The following CHD3 variants were observed in gnomAD, a reference collection of about 807,000 sequenced individuals.
CHD3 encodes ATP-dependent chromatin remodeler CHD3.
CHD3 carries 52 observed loss-of-function variants against 248.9 expected under a neutral mutation model. The observed-to-expected ratio is 0.21, with a 90% CI of 0.17 to 0.26. The LOEUF is 0.26. CHD3 is among the 10% of genes least tolerant of loss of function. The pLI, the probability that CHD3 is intolerant of heterozygous loss-of-function variation, is 1.00. For missense variants in CHD3, 1,482 were observed against 2,605.8 expected (o/e 0.57, Z 9.39); for synonymous variants, 985 against 985.2 (o/e 1.00, Z 0.00).
chr17:7,907,732 G>T lies in CHD3; in HGVS notation c.5026+30G>T, dbSNP rs1480946974. ...TGGGTGGAAGGGACCGGACACCTGG[G>T]TCCCAGAGGGCATCAGGGGAGGTGG... On this transcript the variant is annotated intron_variant, in intron 33 of 39. Transcript: ENST00000330494. This position sits in a 1 kb window ranked among gnomAD's most constrained non-coding sequence, Gnocchi z 4.3. The T allele has an allele frequency of 6.6e-7, 1 of 1,514,294 alleles. No homozygotes were observed. The highest frequency in any genetic ancestry group is 8.8e-7 in the Non-Finnish European group (1 of 1,134,262). 93.8% of individuals were successfully genotyped at this position (1,514,294 alleles called of 1,614,324 possible).
chr17:7,910,675 C>A lies in CHD3; in HGVS notation c.5754+84C>A, dbSNP rs948224350. ...CAAACACTTCCATCAGAATCCTATA[C>A]AATATGGAAAAACAACTTGCTAGAA... On this transcript the variant is annotated intron_variant, in intron 38 of 39. Transcript: ENST00000330494. The surrounding 1 kb of genome is among the most constrained non-coding windows in gnomAD (Gnocchi z 4.7). The A allele has an allele frequency of 6.5e-7, 1 of 1,528,080 alleles. No individual in the cohort carries two copies. Among genetic ancestry groups the A allele is most frequent in the Non-Finnish European group, 8.8e-7 (1 of 1,136,270 alleles). The allele number at this position is 1,528,080 out of a possible 1,614,324, so 94.7% of individuals were successfully genotyped here.
At chr17:7,887,601 G>A (rs1171007095), upstream of CHD3, among the ~76,000 whole-genome samples, 1 of 152,166 alleles carries the variant, frequency 6.6e-6, no homozygotes, top group Non-Finnish European at 1.5e-5. Flanking sequence ...CGTTGTGGGG[G>A]AGGGAGGGGA....
In CHD3 at chr17:7,910,233, C is replaced by A. The variant is rs1250516862; in HGVS notation, c.5591-195C>A. The A allele has an allele frequency of 6.3e-6, 4 of 638,734 alleles. No individual in the cohort carries two copies. The highest frequency in any genetic ancestry group is 1.1e-5 in the Non-Finnish European group (4 of 367,740). The allele number at this position is 638,734 out of a possible 1,614,324, so 39.6% of individuals were successfully genotyped here. A position where few individuals can be genotyped will look rare whatever the true frequency, so the allele number is the denominator to read the frequency against. On this transcript the variant is annotated intron_variant, in intron 37 of 39. Coordinates refer to ENST00000330494, the MANE Select transcript of CHD3 (RefSeq NM_001005273.3). This position sits in a 1 kb window ranked among gnomAD's most constrained non-coding sequence, Gnocchi z 4.7. ...TCTGTCTCTTTTCCTGACACTTTTT[C>A]TTTTCCCCTGAGTTGCTTCTGTTTT...
At position 7,904,683 on chromosome 17, in the gene CHD3, C is replaced by T. The variant is rs1169497733; in HGVS notation, c.4072+64C>T. 9 of 1,443,718 alleles carry T rather than the reference C, an allele frequency of 6.2e-6. No individual in the cohort carries two copies. Among genetic ancestry groups the T allele is most frequent in the Non-Finnish European group, 6.7e-6 (7 of 1,049,878 alleles). The allele number at this position is 1,443,718 out of a possible 1,614,324, so 89.4% of individuals were successfully genotyped here. A position where few individuals can be genotyped will look rare whatever the true frequency, so the allele number is the denominator to read the frequency against. Reference sequence around the variant, plus strand: ...GTGATGATGAGTAGGGACTTGAAGGCTGGAGCTATTTAGAGGGAAAGAGAG... The same window carrying T: ...GTGATGATGAGTAGGGACTTGAAGGTTGGAGCTATTTAGAGGGAAAGAGAG... On this transcript the variant is annotated intron_variant, in intron 25 of 39. Coordinates refer to ENST00000330494, the MANE Select transcript of CHD3 (RefSeq NM_001005273.3). This position sits in a 1 kb window ranked among gnomAD's most constrained non-coding sequence, Gnocchi z 4.4.
At chr17:7,898,941 G>A (rs769887040) in intron 13 of CHD3, 70 bp from the exon 14 acceptor site, 14 of 1,351,762 alleles carry the variant, frequency 1.0e-5, no homozygotes, top group Admixed American at 1.8e-5. Flanking sequence ...TCCATGCCAG[G>A]GAGGAAGAGA....
At chr17:7,884,957 G>C (rs965304899), upstream of CHD3, 1 of 1,350,774 alleles carries the variant, frequency 7.4e-7, no homozygotes, top group Admixed American at 2.7e-5. Context: ...CGACGAGGGA[G>C]TACTCGGGCG....
Position 7,893,305 on chromosome 17 carries a change from A to T in CHD3, c.529A>T (p.Asn177Tyr). 6.2e-7 allele frequency: 1 copy of T among 1,611,538 alleles called. No homozygotes were observed. Among genetic ancestry groups the T allele is most frequent in the Non-Finnish European group, 8.5e-7 (1 of 1,178,500 alleles). The change falls in exon 5 of 40, where the codon AAT becomes TAT. Residue 177 changes from asparagine to tyrosine, a missense_variant. Transcript: ENST00000330494. ...QFMRPLIAKK[N>Y]PKIPMSKMMT... Reference sequence around the variant, plus strand: ...TTACAGGCCCCTAATTGCTAAGAAGAATCCTAAGATCCCAATGTCTAAGAT... The same window carrying T: ...TTACAGGCCCCTAATTGCTAAGAAGTATCCTAAGATCCCAATGTCTAAGAT...
rs1221586517 is a variant in CHD3 at position 7,898,075 on chromosome 17, A to G, written c.2024A>G (p.Glu675Gly). 1 of 1,614,138 alleles carries G rather than the reference A, an allele frequency of 6.2e-7. No individual in the cohort carries two copies. The highest frequency in any genetic ancestry group is 1.1e-5 in the South Asian group (1 of 91,074). Residue 675 changes from glutamate to glycine, a missense_variant, in exon 12 of 40, where the codon GAA (glutamate) becomes GGA (glycine). Glu to Gly is a moderately conservative substitution (Grantham distance 98). Transcript: ENST00000330494. ...GAAATGAATATCCCTGAATACGAAG[A>G]ACATAAGCAAAGCTACTGGAGACAC... Reference protein sequence around the residue: ...EDEMNIPEYEEHKQSYWRHRE... With the variant: ...EDEMNIPEYEGHKQSYWRHRE...
Position 7,907,670 on chromosome 17 carries a change from C to T in CHD3, c.4994C>T (p.Pro1665Leu), listed in dbSNP as rs774001960. 17 of 1,535,794 alleles carry T rather than the reference C, an allele frequency of 1.1e-5. No homozygotes were observed. The East Asian group carries it at 1.9e-4, about 17-fold the overall frequency. Residue 1665 changes from proline (P) to leucine (L), a missense_variant, in exon 33 of 40, where the codon CCG becomes CTG. Coordinates refer to ENST00000330494, the MANE Select transcript of CHD3 (RefSeq NM_001005273.3). The surrounding 1 kb of genome is among the most constrained non-coding windows in gnomAD (Gnocchi z 4.3). The part of the protein sequence containing the change: ...PLDGQEHRER[P>L]EGETGDLGKR... ...GATGGACAGGAACACAGGGAGAGGC[C>T]GGAGGGGGAAACAGGGGATTTGGGC...
rs572193528 is a variant in CHD3 at position 7,903,687 on chromosome 17, C to T, written c.3728-138C>T. 1 of 1,129,054 alleles carries T rather than the reference C, an allele frequency of 8.9e-7. No individual in the cohort carries two copies. Among genetic ancestry groups the T allele is most frequent in the South Asian group, 1.6e-5 (1 of 61,732 alleles). 69.9% of individuals were successfully genotyped at this position (1,129,054 alleles called of 1,614,324 possible). A position where few individuals can be genotyped will look rare whatever the true frequency, so the allele number is the denominator to read the frequency against. ...GCCTGTAGGGTTAAAACAAACAAAA[C>T]AAAAACCTTTCAACATTGGCTCCCG... is the stretch of plus-strand genomic sequence containing the variant. On this transcript the variant is annotated intron_variant, in intron 23 of 39. Coordinates refer to ENST00000330494, the MANE Select transcript of CHD3 (RefSeq NM_001005273.3). The surrounding 1 kb of genome is among the most constrained non-coding windows in gnomAD (Gnocchi z 6.8).
At position 7,889,626 on chromosome 17, in the gene CHD3, C is replaced by G; in HGVS notation, c.101-38C>G. 3 of 1,570,786 alleles carry G rather than the reference C, an allele frequency of 1.9e-6. No homozygotes were observed. Among genetic ancestry groups the G allele is most frequent in the Admixed American group, 1.8e-5 (1 of 55,432 alleles). ...TTGAGGGGCCTCAGAGGCTGGAAAC[C>G]TAGAGGCTTAGGTTTTCTGATGCTT... On this transcript the variant is annotated intron_variant, in intron 1 of 39. Transcript: ENST00000330494. This position sits in a 1 kb window ranked among gnomAD's most constrained non-coding sequence, Gnocchi z 4.5.
Position 7,894,112 on chromosome 17 carries a change from C to T in CHD3, c.925-3C>T. 5 of 1,603,272 alleles carry T rather than the reference C, an allele frequency of 3.1e-6. No homozygotes were observed. Among genetic ancestry groups the T allele is most frequent in the Non-Finnish European group, 4.3e-6 (5 of 1,173,606 alleles). ...TCACTGACGGCCACGGGGCTATGGG[C>T]AGTATGTTTTTCAGAGCGACGAAGG... is the stretch of plus-strand genomic sequence containing the variant. On this transcript the variant is annotated splice_polypyrimidine_tract_variant and splice_region_variant and intron_variant, in intron 6 of 39. Coordinates refer to ENST00000330494, the MANE Select transcript of CHD3 (RefSeq NM_001005273.3).
upstream of CHD3, among the ~76,000 whole-genome samples, chr17:7,887,793 T>A (rs1309251099): frequency 1.3e-5 from 2 of 152,146 alleles, no homozygotes; most frequent in Non-Finnish European, 2.9e-5. Flanking sequence ...GAGCCGGGGA[T>A]GTGGGAGAGT....
Position 7,906,787 on chromosome 17 carries a change from T to A in CHD3, c.4504-82T>A. On this transcript the variant is annotated intron_variant, in intron 29 of 39. Transcript: ENST00000330494. The surrounding 1 kb of genome is among the most constrained non-coding windows in gnomAD (Gnocchi z 5.0). ...CTGTCCCTGAGTTGTAAGCTTGCGCTGGTGTGAGACGGAGGAGACTGGAGC... is the reference window on the plus strand; with the variant it reads ...CTGTCCCTGAGTTGTAAGCTTGCGCAGGTGTGAGACGGAGGAGACTGGAGC... 1 of 1,592,556 alleles carries A rather than the reference T, an allele frequency of 6.3e-7. No individual in the cohort carries two copies. Among genetic ancestry groups the A allele is most frequent in the Non-Finnish European group, 8.6e-7 (1 of 1,167,892 alleles).
Position 7,904,759 on chromosome 17 carries a change from G to GTTCCTAATGACTCTACCTT in CHD3, c.4072+140_4072+141insTTCCTAATGACTCTACCTT. The GTTCCTAATGACTCTACCTT allele has an allele frequency of 1.2e-6, 1 of 863,088 alleles. No individual in the cohort carries two copies. The highest frequency in any genetic ancestry group is 1.8e-6 in the Non-Finnish European group (1 of 571,166). The allele number at this position is 863,088 out of a possible 1,614,324, so 53.5% of individuals were successfully genotyped here. On this transcript the variant is annotated intron_variant, in intron 25 of 39. Coordinates refer to ENST00000330494, the MANE Select transcript of CHD3 (RefSeq NM_001005273.3). The surrounding 1 kb of genome is among the most constrained non-coding windows in gnomAD (Gnocchi z 4.4). The stretch of plus-strand genomic sequence containing the variant: ...TGCTAAAAGGGAAAGACATAAGGTA[G>GTTCCTAATGACTCTACCTT]AGTCATTAGGAACTACCCAGAGGCC...
rs1028642652 is a variant in CHD3 at position 7,909,529 on chromosome 17, C to T, written c.5590+191C>T. ...GCCTCTAGGACTTGTGCAAGCCAAC[C>T]CTCATCCATGTCTGATAGCATTCAC... On this transcript the variant is annotated intron_variant, in intron 37 of 39. Transcript: ENST00000330494. This position sits in a 1 kb window ranked among gnomAD's most constrained non-coding sequence, Gnocchi z 8.1. The T allele has an allele frequency of 5.2e-6, 4 of 776,100 alleles. No homozygotes were observed. The highest frequency in any genetic ancestry group is 7.9e-6 in the Non-Finnish European group (4 of 507,592). 48.1% of individuals were successfully genotyped at this position (776,100 alleles called of 1,614,324 possible).
rs768063092 is a variant in CHD3 at position 7,889,038 on chromosome 17, G to A, written c.38G>A (p.Ser13Asn). 1.9e-6 allele frequency: 3 copies of A among 1,614,260 alleles called. No homozygotes were observed. Among genetic ancestry groups the A allele is most frequent in the Non-Finnish European group, 2.5e-6 (3 of 1,180,050 alleles). The change falls in exon 1 of 40, where the codon AGT becomes AAT. Residue 13 changes from serine to asparagine, a missense_variant. Around this residue, in one of 20 missense-constraint regions of CHD3, gnomAD observed 169 missense variants for 168.1 expected, o/e 1.01. Transcript: ENST00000330494. The surrounding 1 kb of genome is among the most constrained non-coding windows in gnomAD (Gnocchi z 4.5). ...AADTVILWAR[S>N]KNDQLRISFP... ...GACACTGTGATCCTGTGGGCAAGAA[G>A]TAAAAATGACCAGCTGAGGATTTCT...
rs772247614 is a variant in CHD3, at chr17:7,911,349, G to A, written c.5882-115G>A. The A allele has an allele frequency of 5.9e-6, 9 of 1,529,102 alleles. No individual in the cohort carries two copies. The highest frequency in any genetic ancestry group is 4.1e-5 in the African/African-American group (3 of 73,046). The allele number at this position is 1,529,102 out of a possible 1,614,324, so 94.7% of individuals were successfully genotyped here. On this transcript the variant is annotated intron_variant, in intron 39 of 39. Coordinates refer to ENST00000330494, the MANE Select transcript of CHD3 (RefSeq NM_001005273.3). The surrounding 1 kb of genome is among the most constrained non-coding windows in gnomAD (Gnocchi z 5.4). Reference sequence around the variant, plus strand: ...TTTGCCCGGGTCTTCCCTCCCTCACGTGGGACAACGGGAAGTGGCAGGAGG... The same window carrying A: ...TTTGCCCGGGTCTTCCCTCCCTCACATGGGACAACGGGAAGTGGCAGGAGG...
In CHD3 at chr17:7,902,648, C is replaced by G. The variant is rs1188512432; in HGVS notation, c.3291C>G (p.Asp1097Glu). Residue 1097 changes from aspartate to glutamate, a missense_variant, in exon 21 of 40, where the codon GAC (aspartate) becomes GAG (glutamate). Coordinates refer to ENST00000330494, the MANE Select transcript of CHD3 (RefSeq NM_001005273.3). ...TAGACTTGCTTGAGGACTTCTTAGA[C>G]TATGAAGGCTACAAGTATGAGCGCA... is the stretch of plus-strand genomic sequence containing the variant. ...KMLDLLEDFL[D>E]YEGYKYERID... 1 of 1,613,964 alleles carries G rather than the reference C, an allele frequency of 6.2e-7. No homozygotes were observed. The highest frequency in any genetic ancestry group is 1.1e-5 in the South Asian group (1 of 91,080).
Sources: gnomAD v4.1 joint callset for allele counts (sites outside exome capture counted in the v4.1 genomes callset) on GRCh38, gnomAD v4.1.1 for gene constraint, gnomAD v4.1.1 regional missense constraint, Gnocchi (gnomAD v3.1) non-coding constraint, MANE v1.5 for transcripts, NCBI Gene and HGNC (gene_info 2026-07-23, HGNC 2026-07-21) for gene names.